The following HMCN1 variants were observed in gnomAD, a reference collection of about 807,000 sequenced individuals.
The protein encoded by HMCN1 is hemicentin 1.
In HMCN1, 321 loss-of-function variants were observed where a neutral mutation model predicts 625.9. The ratio of observed to expected loss-of-function variants is 0.51; its 90% CI spans 0.47 to 0.56. The LOEUF (loss-of-function observed/expected upper bound fraction) is 0.56, where lower values mean the gene tolerates loss of function less well. Ranked by LOEUF, HMCN1 falls within the 20% of genes least tolerant of loss-of-function variation. The pLI is 0.00. For synonymous variants in HMCN1, 2,425 were observed against 2,417.6 expected (o/e 1.00, Z -0.09); for missense variants, 6,588 against 6,887.3 (o/e 0.96, Z 1.54).
At chr1:185,796,761 G>A (rs979043724) in intron 1 of HMCN1, among the ~76,000 whole-genome samples, 2 of 152,012 alleles carry the variant, frequency 1.3e-5, no homozygotes, top group African/African-American at 2.4e-5. Context: ...TGTATACTTA[G>A]GTTGACTCCA....
Position 185,965,883 on chromosome 1 carries a change from G to T in HMCN1, c.2180G>T (p.Gly727Val). Residue 727 changes from glycine (G) to valine (V), a missense_variant, in exon 14 of 107, where the codon GGT (glycine) becomes GTT (valine). Physicochemically the swap from Gly to Val is moderately radical, Grantham distance 109. Coordinates refer to ENST00000271588, the MANE Select transcript of HMCN1 (RefSeq NM_031935.3). The stretch of plus-strand genomic sequence containing the variant: ...ACCGTTATGGAATGCAAAACCTCTG[G>T]TATTCCTCCACCTCAAGTTAAATGG... The part of the protein sequence containing the change: ...DITVMECKTS[G>V]IPPPQVKWFK... 6.2e-7 allele frequency: 1 copy of T among 1,605,814 alleles called. No homozygotes were observed. Among genetic ancestry groups the T allele is most frequent in the Non-Finnish European group, 8.5e-7 (1 of 1,172,772 alleles).
At chr1:186,077,035 T>C (rs1658863216) in intron 54 of HMCN1, among the ~76,000 whole-genome samples, 1 of 152,148 alleles carries the variant, frequency 6.6e-6, no homozygotes, top group Non-Finnish European at 1.5e-5. Context: ...GTTTCAAATA[T>C]TTAAATTGTT....
At chr1:185,820,098 G>T (rs1448130517) in intron 1 of HMCN1, among the ~76,000 whole-genome samples, 1 of 152,130 alleles carries the variant, frequency 6.6e-6, no homozygotes, top group African/African-American at 2.4e-5. Context: ...CATGCTATTT[G>T]CTTTTGATTG....
At chr1:185,992,420 A>C (rs1483892296) in intron 22 of HMCN1, among the ~76,000 whole-genome samples, 1 of 152,078 alleles carries the variant, frequency 6.6e-6, no homozygotes, top group East Asian at 1.9e-4. Flanking sequence ...TGAATTTTAA[A>C]TTTTGTAAAT....
At chr1:186,060,197 A>G (rs1558185121) in intron 46 of HMCN1, among the ~76,000 whole-genome samples, 1 of 152,082 alleles carries the variant, frequency 6.6e-6, no homozygotes, top group Non-Finnish European at 1.5e-5. Flanking sequence ...TTATAGAAAA[A>G]GTTCAATGTC....
intron 52 of HMCN1, 88 bp downstream of exon 52, chr1:186,070,845 C>A: frequency 7.7e-7 from 1 of 1,306,040 alleles, no homozygotes; most frequent in Non-Finnish European, 1.1e-6. Context: ...ACACAAGTGA[C>A]TCAGAGAATC....
At chr1:185,946,793 A>T (rs1011919513) in intron 11 of HMCN1, among the ~76,000 whole-genome samples, 2 of 152,244 alleles carry the variant, frequency 1.3e-5, no homozygotes, top group Admixed American at 6.5e-5. Context: ...TGACATACAA[A>T]ATTTTGTACT....
At chr1:185,935,544 A>G (rs902426211) in intron 11 of HMCN1, among the ~76,000 whole-genome samples, 1 of 152,142 alleles carries the variant, frequency 6.6e-6, no homozygotes, top group Non-Finnish European at 1.5e-5. Flanking sequence ...ATTATCCAAC[A>G]ATTTTAAAAA....
At chr1:186,065,135 A>C in intron 48 of HMCN1, 103 bp from the exon 49 acceptor site, 2 of 818,700 alleles carry the variant, frequency 2.4e-6, no homozygotes, top group Non-Finnish European at 4.0e-6. Context: ...TGTTTTAGAC[A>C]TGGGATATGT....
At chr1:185,839,360 A>T (rs1407864312) in intron 1 of HMCN1, among the ~76,000 whole-genome samples, 1 of 152,216 alleles carries the variant, frequency 6.6e-6, no homozygotes, top group Non-Finnish European at 1.5e-5. Context: ...ATATTCTTGA[A>T]GATGGTATTT....
In HMCN1 at chr1:186,103,461, C is replaced by G. The variant is rs760483083; in HGVS notation, c.10574-11C>G. On this transcript the variant is annotated splice_polypyrimidine_tract_variant and intron_variant, in intron 68 of 106. Coordinates refer to ENST00000271588, the MANE Select transcript of HMCN1 (RefSeq NM_031935.3). The stretch of plus-strand genomic sequence containing the variant: ...GTGGGTTTATTATTATTTTTGATTC[C>G]CTTTAAATAGAACCACCTCACATTA... 11 of 1,605,258 alleles carry G rather than the reference C, an allele frequency of 6.9e-6. No homozygotes were observed. The highest frequency in any genetic ancestry group is 1.7e-5 in the Admixed American group (1 of 59,914).
rs1403340449 is a variant in HMCN1, at chr1:186,095,360, G to A, written c.10412G>A (p.Arg3471Lys). ...GTPAPSMAWLRDGQPLGLDAH... is the reference protein window; with the variant it reads ...GTPAPSMAWLKDGQPLGLDAH... The stretch of plus-strand genomic sequence containing the variant: ...CCAGCTCCCAGTATGGCCTGGCTTA[G>A]AGATGGCCAGCCTCTGGGGCTTGAT... The change falls in exon 68 of 107, where the codon AGA becomes AAA. Residue 3471 changes from arginine (R) to lysine (K), a missense_variant. Transcript: ENST00000271588. 6.2e-7 allele frequency: 1 copy of A among 1,613,688 alleles called. No individual in the cohort carries two copies. The highest frequency in any genetic ancestry group is 8.5e-7 in the Non-Finnish European group (1 of 1,179,840).
intron 36 of HMCN1, among the ~76,000 whole-genome samples, chr1:186,030,552 T>C (rs1655360371): frequency 6.6e-6 from 1 of 152,024 alleles, no homozygotes; most frequent in African/African-American, 2.4e-5. Flanking sequence ...TTTCATCTTT[T>C]TACTTTCAAT....
At chr1:186,092,867 C>G (rs935185565) in intron 64 of HMCN1, among the ~76,000 whole-genome samples, 7 of 151,960 alleles carry the variant, frequency 4.6e-5, no homozygotes, top group Non-Finnish European at 1.0e-4. Context: ...TTAATTCAAA[C>G]CTTATATGGA....
chr1:185,764,431 T>C (rs1655727949), intron 1 of HMCN1, among the ~76,000 whole-genome samples: 1 of 152,166 alleles, frequency 6.6e-6, no homozygotes, highest in Non-Finnish European at 1.5e-5. Context: ...TCTGATGCTA[T>C]TTTTTTAGGA....
intron 30 of HMCN1, among the ~76,000 whole-genome samples, chr1:186,011,194 C>T (rs897519143): frequency 1.3e-5 from 2 of 152,024 alleles, no homozygotes; most frequent in Non-Finnish European, 2.9e-5. Context: ...TACAGGTGCC[C>T]ACTACCATGC....
intron 25 of HMCN1, among the ~76,000 whole-genome samples, chr1:185,998,600 T>A (rs1652965901): frequency 1.3e-5 from 2 of 152,088 alleles, no homozygotes; most frequent in Non-Finnish European, 2.9e-5. Flanking sequence ...TGCTTCTTGT[T>A]CCCCACTGGA....
intron 1 of HMCN1, among the ~76,000 whole-genome samples, chr1:185,845,350 T>G (rs1286886466): frequency 2.0e-5 from 3 of 152,174 alleles, no homozygotes; most frequent in Non-Finnish European, 4.4e-5. Flanking sequence ...CCTGAGTAGC[T>G]GGGACTACAG....
chr1:186,001,086 A>G (rs929556719), intron 26 of HMCN1, among the ~76,000 whole-genome samples: 1 of 152,084 alleles, frequency 6.6e-6, no homozygotes, highest in African/African-American at 2.4e-5. Flanking sequence ...CTAAATTTAA[A>G]ACCTTGAAAT....
Sources: gnomAD v4.1 joint callset for allele counts (sites outside exome capture counted in the v4.1 genomes callset) on GRCh38, gnomAD v4.1.1 for gene constraint, MANE v1.5 for transcripts, NCBI Gene and HGNC (gene_info 2026-07-23, HGNC 2026-07-21) for gene names.